Variants in SIGLEC5 observed in about 807,000 individuals in gnomAD.
SIGLEC5 encodes the protein sialic acid binding Ig like lectin 5.
Under a neutral mutation model 45.9 loss-of-function variants are expected in SIGLEC5, and 34 were observed. The observed-to-expected ratio is 0.74, with a 90% confidence interval of 0.56 to 0.99. The LOEUF is 0.99. Among genes scored for constraint, SIGLEC5 ranks in the 50% least tolerant of loss-of-function variants. SIGLEC5 has a pLI of 0.00. For missense variants in SIGLEC5, 508 were observed against 629.6 expected (o/e 0.81, Z 2.07); for synonymous variants, 203 against 258.6 (o/e 0.79, Z 2.06).
chr19:51,626,114 C>T lies in SIGLEC5; in HGVS notation c.1383-1G>A. ...TGCTTGCTTCCTGCGGGCTTTCACT[C>T]TAAGGAAAGAAACCAGCACAGTGCA... On this transcript the variant is annotated splice_acceptor_variant, in intron 7 of 8. Coordinates refer to ENST00000683636, the MANE Select transcript of SIGLEC5 (RefSeq NM_003830.4). LOFTEE classifies it high-confidence loss of function. The T allele has an allele frequency of 6.2e-7, 1 of 1,613,484 alleles. No homozygotes were observed. The highest frequency in any genetic ancestry group is 1.7e-5 in the Admixed American group (1 of 60,018).
intron 8 of SIGLEC5, among the ~76,000 whole-genome samples, chr19:51,620,901 C>T (rs764914788): frequency 4.6e-5 from 7 of 152,074 alleles, no homozygotes; most frequent in Non-Finnish European, 8.8e-5. Flanking sequence ...TATCCCCTGG[C>T]CTTGAACTCC....
At chr19:51,620,298 C>A (rs1188759545) in intron 8 of SIGLEC5, among the ~76,000 whole-genome samples, 1 of 151,772 alleles carries the variant, frequency 6.6e-6, no homozygotes, top group Non-Finnish European at 1.5e-5. Context: ...ATCTTGATAC[C>A]CAAACAGAAG....
At position 51,612,897 on chromosome 19, in the gene SIGLEC5, T is replaced by C. The variant is rs557900908; in HGVS notation, c.1465-475A>G. On this transcript the variant is annotated intron_variant, in intron 8 of 8. Coordinates refer to ENST00000683636, the MANE Select transcript of SIGLEC5 (RefSeq NM_003830.4). ...TTCTTCTCTCTCTCTCTCTCTCTCT[T>C]GCCCCCTACCCACTGGATGAGCACT... Among the ~76,000 whole-genome samples, 6 of 151,720 alleles carry C rather than the reference T, an allele frequency of 4.0e-5. No individual in the cohort carries two copies. In the East Asian group the frequency reaches 7.7e-4, roughly 20 times the overall value.
At chr19:51,620,320 A>G (rs1983236586) in intron 8 of SIGLEC5, among the ~76,000 whole-genome samples, 1 of 152,154 alleles carries the variant, frequency 6.6e-6, no homozygotes, top group Non-Finnish European at 1.5e-5. Flanking sequence ...AACAGGAGGA[A>G]AAAGGAAAAT....
intron 8 of SIGLEC5, among the ~76,000 whole-genome samples, chr19:51,618,163 G>C (rs899577851): frequency 1.3e-5 from 2 of 151,826 alleles, no homozygotes; most frequent in East Asian, 3.9e-4. Context: ...CTAAGTGAAA[G>C]TAAAAGGTAA....
chr19:51,624,708 C>A (rs1469336816), intron 8 of SIGLEC5, among the ~76,000 whole-genome samples: 1 of 152,138 alleles, frequency 6.6e-6, no homozygotes, highest in African/African-American at 2.4e-5. Context: ...GTGGCTCACA[C>A]CTGTAATCCC....
chr19:51,611,985 G>A lies in SIGLEC5; in HGVS notation c.*246C>T. On this transcript the variant is annotated 3_prime_UTR_variant, in exon 9 of 9. Coordinates refer to ENST00000683636, the MANE Select transcript of SIGLEC5 (RefSeq NM_003830.4). Reference sequence around the variant, plus strand: ...TTCACAACAACCTTTGAGGTAGCATGCATGATCTCTGATTTACAGAATGGG... The same window carrying A: ...TTCACAACAACCTTTGAGGTAGCATACATGATCTCTGATTTACAGAATGGG... 3.3e-6 allele frequency: 1 copy of A among 300,306 alleles called. No homozygotes were observed. The highest frequency in any genetic ancestry group is 6.1e-6 in the Non-Finnish European group (1 of 163,022). 18.6% of individuals were successfully genotyped at this position (300,306 alleles called of 1,614,324 possible).
chr19:51,621,538 G>A (rs1475995040), intron 8 of SIGLEC5: 2 of 152,226 alleles, frequency 1.3e-5, no homozygotes, highest in African/African-American at 4.8e-5. Flanking sequence ...AGTACCTGAA[G>A]CCCAAAAGGA....
rs61736486 is a variant in SIGLEC5, at chr19:51,628,057, C to T, written c.774G>A (p.Pro258=). The change falls in exon 5 of 9, where the codon CCG becomes CCA. Residue 258 remains proline, a synonymous_variant. Transcript: ENST00000683636. Reference sequence around the variant, plus strand: ...GCCGCAGAGCCTGGCCCTCCAGGACCGGAAGGTATGAGGTGTTTTGCAGGA... The same window carrying T: ...GCCGCAGAGCCTGGCCCTCCAGGACTGGAAGGTATGAGGTGTTTTGCAGGA... ...LEILQNTSYL[P]VLEGQALRLL... 0.049 allele frequency: 76,575 copies of T among 1,573,800 alleles called. 2,654 individuals carry two copies. The highest frequency in any genetic ancestry group is 0.18 in the African/African-American group (12,858 of 73,314).
At chr19:51,619,162 C>T (rs1212660128) in intron 8 of SIGLEC5, among the ~76,000 whole-genome samples, 1 of 152,236 alleles carries the variant, frequency 6.6e-6, no homozygotes, top group Non-Finnish European at 1.5e-5. Context: ...GCAACCTCCA[C>T]CTCCTGGGTT....
At chr19:51,617,904 GAAGA>G (rs933904461) in intron 8 of SIGLEC5, among the ~76,000 whole-genome samples, 84 of 151,990 alleles carry the variant, frequency 5.5e-4, no homozygotes, top group Non-Finnish European at 9.7e-4. Flanking sequence ...AGAGTTGAAG[GAAGA>G]GAGGCCAAGA....
At chr19:51,625,306 C>A (rs1260304543) in intron 8 of SIGLEC5, among the ~76,000 whole-genome samples, 1 of 152,176 alleles carries the variant, frequency 6.6e-6, no homozygotes, top group African/African-American at 2.4e-5. Flanking sequence ...GCTGAAGTGG[C>A]CACCTGGTGT....
intron 6 of SIGLEC5, 97 bp from the exon 7 acceptor site, chr19:51,627,345 G>A (rs1352777907): frequency 6.5e-7 from 1 of 1,534,232 alleles, no homozygotes; most frequent in Non-Finnish European, 8.9e-7. Context: ...TGCTCAGACA[G>A]GAGATGAAGA....
chr19:51,626,130 G>C lies in SIGLEC5; in HGVS notation c.1383-17C>G. The stretch of plus-strand genomic sequence containing the variant: ...GCTTTCACTCTAAGGAAAGAAACCA[G>C]CACAGTGCAGCTGGGACCACCCAGG... On this transcript the variant is annotated splice_polypyrimidine_tract_variant and intron_variant, in intron 7 of 8. Coordinates refer to ENST00000683636, the MANE Select transcript of SIGLEC5 (RefSeq NM_003830.4). 6.2e-7 allele frequency: 1 copy of C among 1,609,528 alleles called. No homozygotes were observed. The highest frequency in any genetic ancestry group is 1.1e-5 in the South Asian group (1 of 90,978).
intron 8 of SIGLEC5, among the ~76,000 whole-genome samples, chr19:51,615,194 G>C (rs116799916): frequency 0.015 from 2,357 of 152,286 alleles, 67 homozygotes; most frequent in African/African-American, 0.053. Flanking sequence ...CACCGGCTCT[G>C]TTCTCCAAGA....
chr19:51,625,113 C>G (rs977760865), intron 8 of SIGLEC5, among the ~76,000 whole-genome samples: 2 of 151,982 alleles, frequency 1.3e-5, no homozygotes, highest in African/African-American at 4.8e-5. Context: ...GGGGAAATGA[C>G]TAGAGTAGCA....
chr19:51,616,127 T>C (rs1265736328), intron 8 of SIGLEC5, among the ~76,000 whole-genome samples: 1 of 152,134 alleles, frequency 6.6e-6, no homozygotes, highest in African/African-American at 2.4e-5. Context: ...GCATCTGCCC[T>C]TCCCTCATTC....
intron 8 of SIGLEC5, chr19:51,621,478 G>C (rs1983277460): frequency 6.6e-6 from 1 of 152,204 alleles, no homozygotes; most frequent in African/African-American, 2.4e-5. Flanking sequence ...ACATCTGTTA[G>C]AAGAGAAATA....
chr19:51,628,061 A>T lies in SIGLEC5; in HGVS notation c.770T>A (p.Leu257His), dbSNP rs750425480. The change falls in exon 5 of 9, where the codon CTT becomes CAT. Residue 257 changes from leucine to histidine, a missense_variant. Physicochemically the swap from Leu to His is moderately conservative, Grantham distance 99. Around this residue, in one of 2 missense-constraint regions of SIGLEC5, gnomAD observed 431 missense variants for 428.8 expected, o/e 1.01. Coordinates refer to ENST00000683636, the MANE Select transcript of SIGLEC5 (RefSeq NM_003830.4). ...ALEILQNTSY[L>H]PVLEGQALRL... ...CAGAGCCTGGCCCTCCAGGACCGGA[A>T]GGTATGAGGTGTTTTGCAGGATCTC... is the stretch of plus-strand genomic sequence containing the variant. 5 of 1,563,360 alleles carry T rather than the reference A, an allele frequency of 3.2e-6. No individual in the cohort carries two copies. The East Asian group carries it at 1.1e-4, about 35-fold the overall frequency.
Sources: allele counts gnomAD v4.1 joint callset (sites outside exome capture counted in the v4.1 genomes callset), GRCh38; gene constraint gnomAD v4.1.1; regional missense constraint gnomAD v4.1.1; transcripts MANE v1.5; gene names NCBI Gene and HGNC (gene_info 2026-07-23, HGNC 2026-07-21).